KANSL3: variants seen among roughly 807,000 people sequenced by gnomAD.
The protein encoded by KANSL3 is NSL complex protein NSL3.
Under a neutral mutation model 89.2 loss-of-function variants are expected in KANSL3, and 16 were observed. The ratio of observed to expected loss-of-function variants is 0.18; its 90% CI spans 0.12 to 0.27. The LOEUF (loss-of-function observed/expected upper bound fraction) is 0.27. Among genes scored for constraint, KANSL3 ranks in the 10% least tolerant of loss-of-function variants. The pLI is 1.00. For missense variants in KANSL3, 879 were observed against 1,110.6 expected (o/e 0.79, Z 2.96); for synonymous variants, 385 against 419.7 (o/e 0.92, Z 1.01).
At chr2:96,610,659 C>A in intron 11 of KANSL3, 67 bp downstream of exon 11, 2 of 1,568,940 alleles carry the variant, frequency 1.3e-6, no homozygotes, top group Non-Finnish European at 1.7e-6. Flanking sequence ...AGTTACATTG[C>A]CAGCTTCCAG....
intron 11 of KANSL3, 46 bp from the exon 12 acceptor site, chr2:96,609,608 G>A (rs748936664): frequency 1.0e-5 from 15 of 1,469,334 alleles, no homozygotes; most frequent in East Asian, 6.8e-5. Flanking sequence ...CACATTGCAC[G>A]GCATCCTATG....
chr2:96,604,148 C>A, intron 17 of KANSL3, 102 bp downstream of exon 17: 1 of 1,335,762 alleles, frequency 7.5e-7, no homozygotes, highest in South Asian at 1.5e-5. Context: ...CCCAGAGGCC[C>A]ATCCTATGGA....
chr2:96,616,717 T>C (rs1465478916), intron 5 of KANSL3, among the ~76,000 whole-genome samples: 1 of 152,074 alleles, frequency 6.6e-6, no homozygotes, highest in African/African-American at 2.4e-5. Flanking sequence ...TTGCCTTGAG[T>C]CTGAGGCCCT....
At chr2:96,635,416 C>T (rs1373117147) in intron 2 of KANSL3, among the ~76,000 whole-genome samples, 1 of 152,088 alleles carries the variant, frequency 6.6e-6, no homozygotes, top group African/African-American at 2.4e-5. Context: ...TTCTAAGTAC[C>T]AAAAGAACCA....
chr2:96,627,276 A>G (rs993367353), intron 3 of KANSL3, among the ~76,000 whole-genome samples: 3 of 151,744 alleles, frequency 2.0e-5, no homozygotes, highest in African/African-American at 7.3e-5. Context: ...GTGCAGTGGC[A>G]CGATCTCGGC....
intron 5 of KANSL3, among the ~76,000 whole-genome samples, chr2:96,618,892 A>G (rs960835977): frequency 3.9e-5 from 6 of 152,254 alleles, no homozygotes; most frequent in African/African-American, 1.4e-4. Flanking sequence ...ATATGTTTGT[A>G]CTGAATTATA....
chr2:96,592,451 C>T (rs1168344607), downstream of KANSL3, among the ~76,000 whole-genome samples: 3 of 152,196 alleles, frequency 2.0e-5, no homozygotes, highest in African/African-American at 7.2e-5. Flanking sequence ...CACCTACTGA[C>T]GTAGGCTCAG....
At chr2:96,627,681 T>C (rs1558767051) in intron 3 of KANSL3, among the ~76,000 whole-genome samples, 2 of 152,204 alleles carry the variant, frequency 1.3e-5, no homozygotes, top group Non-Finnish European at 2.9e-5. Flanking sequence ...ACACCGTTCA[T>C]GGAGCTCTTG....
At chr2:96,637,964 T>A (rs1052507919) in intron 1 of KANSL3, 15 of 152,150 alleles carry the variant, frequency 9.9e-5, no homozygotes, top group Admixed American at 9.2e-4. Context: ...ACAGACGAAG[T>A]CGCCAGCTCG....
chr2:96,616,327 A>G (rs756847977), intron 5 of KANSL3, among the ~76,000 whole-genome samples: 1 of 152,218 alleles, frequency 6.6e-6, no homozygotes, highest in Admixed American at 6.5e-5. Flanking sequence ...GAAACCAAAA[A>G]GCCTTGACAC....
At chr2:96,627,549 T>A (rs1191652944) in intron 3 of KANSL3, among the ~76,000 whole-genome samples, 1 of 152,164 alleles carries the variant, frequency 6.6e-6, no homozygotes, top group African/African-American at 2.4e-5. Flanking sequence ...CAGTTTCTAC[T>A]GAAATCATTC....
chr2:96,602,297 AC>A lies in KANSL3; in HGVS notation c.2300del (p.Gly767ValfsTer38). The A allele has an allele frequency of 6.2e-7, 1 of 1,612,038 alleles. No individual in the cohort carries two copies. The highest frequency in any genetic ancestry group is 8.5e-7 in the Non-Finnish European group (1 of 1,179,284). On this transcript the variant is annotated frameshift_variant, in exon 19 of 21. Transcript: ENST00000431828. LOFTEE classifies it high-confidence loss of function. Reference sequence around the variant, plus strand: ...TGGTGCTGGTGCCCGTGGTGATGGCACCCAGGCTCTGCATGGGGGTGGGCAA... The same window carrying A: ...TGGTGCTGGTGCCCGTGGTGATGGCACCAGGCTCTGCATGGGGGTGGGCAA... ...VKLPTPMQSL[G>X]AITTGTSTIV...
intron 2 of KANSL3, among the ~76,000 whole-genome samples, chr2:96,635,300 T>C (rs2074087226): frequency 6.6e-6 from 1 of 152,224 alleles, no homozygotes; most frequent in Non-Finnish European, 1.5e-5. Context: ...ATACCCCTAC[T>C]GCTATTATAT....
chr2:96,609,602 T>C (rs1490787774), intron 11 of KANSL3, 40 bp from the exon 12 acceptor site: 10 of 1,489,840 alleles, frequency 6.7e-6, no homozygotes, highest in Non-Finnish European at 9.4e-6. Context: ...TTCTTACACA[T>C]TGCACGGCAT....
intron 14 of KANSL3, chr2:96,606,870 G>A (rs2068060598): frequency 8.7e-6 from 5 of 577,154 alleles, no homozygotes; most frequent in South Asian, 8.3e-5. Flanking sequence ...AGAACAGGAG[G>A]AAACCAAACT....
chr2:96,610,605 G>A (rs554337589), intron 11 of KANSL3, 121 bp downstream of exon 11: 19 of 1,134,122 alleles, frequency 1.7e-5, no homozygotes, highest in African/African-American at 6.2e-5. Flanking sequence ...GTGAGCCACC[G>A]CGCCCGGCTA....
chr2:96,611,477 G>C (rs556595795), intron 9 of KANSL3, among the ~76,000 whole-genome samples: 1 of 152,250 alleles, frequency 6.6e-6, no homozygotes, highest in South Asian at 2.1e-4. Context: ...ATATAGTCAA[G>C]AGAACACAAT....
chr2:96,602,714 C>A, intron 18 of KANSL3, 39 bp downstream of exon 18: 1 of 1,527,118 alleles, frequency 6.5e-7, no homozygotes, highest in Non-Finnish European at 8.8e-7. Context: ...GAGGCCTCCT[C>A]CCTACACCTG....
chr2:96,614,896 A>C (rs994820179), intron 5 of KANSL3: 10 of 152,006 alleles, frequency 6.6e-5, no homozygotes, highest in African/African-American at 2.4e-4. Flanking sequence ...ATATGTAACA[A>C]ACCTGCACGT....
Sources: gnomAD v4.1 joint callset for allele counts (sites outside exome capture counted in the v4.1 genomes callset) on GRCh38, gnomAD v4.1.1 for gene constraint, MANE v1.5 for transcripts, NCBI Gene and HGNC (gene_info 2026-07-23, HGNC 2026-07-21) for gene names.